ADAMTSL1: variants seen among roughly 807,000 people sequenced by gnomAD.
ADAMTSL1 encodes ADAMTS like 1, also known as ADAMTS-like protein 1.
ADAMTSL1 carries 126 observed loss-of-function variants against 201.8 expected under a neutral mutation model. The observed-to-expected ratio is 0.62, with a 90% CI of 0.54 to 0.72. The LOEUF is 0.72. Among genes scored for constraint, ADAMTSL1 ranks in the 30% least tolerant of loss-of-function variants. ADAMTSL1 has a pLI of 0.00. For synonymous variants in ADAMTSL1, 1,121 were observed against 903.4 expected, an observed-to-expected ratio of 1.24 and a Z score of -4.32; for missense variants, 2,679 against 2,277.8, an observed-to-expected ratio of 1.18 and a Z score of -3.59.
intron 3 of ADAMTSL1, among the ~76,000 whole-genome samples, chr9:18,552,915 T>A (rs1042144450): frequency 4.6e-5 from 7 of 151,626 alleles, no homozygotes; most frequent in African/African-American, 1.7e-4. Context: ...TTATGGATAT[T>A]TAATGTAAAT....
chr9:18,892,655 C>T (rs1202281730), intron 26 of ADAMTSL1, 59 bp downstream of exon 26: 1 of 1,514,778 alleles, frequency 6.6e-7, no homozygotes, highest in South Asian at 1.2e-5. Context: ...GACCCTGCCA[C>T]AGTAGGAAGT....
At chr9:18,723,140 T>C (rs996470513) in intron 15 of ADAMTSL1, 8 of 738,636 alleles carry the variant, frequency 1.1e-5, no homozygotes, top group African/African-American at 8.6e-5. Flanking sequence ...CTGCCCTTTA[T>C]GTTTCCACAT....
At position 18,706,867 on chromosome 9, in the gene ADAMTSL1, C is replaced by T. The variant is rs149134212; in HGVS notation, c.1695C>T (p.Asp565=). Residue 565 remains aspartate, a synonymous_variant, in exon 14 of 29, where the codon GAC becomes GAT. Transcript: ENST00000380548. ...FSQSVADLPI[D]ECEGPKPASQ... is the part of the protein sequence containing the mutation. ...AGTCCGTGGCTGACCTGCCTATTGA[C>T]GAGTGTGAAGGGCCCAAGCCAGCAT... The T allele has an allele frequency of 1.7e-3, 2,738 of 1,613,624 alleles. 3 individuals carry two copies. Among genetic ancestry groups the T allele is most frequent in the Admixed American group, 2.1e-3 (128 of 59,984 alleles).
At chr9:18,588,898 TATATAC>T (rs148896424) in intron 4 of ADAMTSL1, among the ~76,000 whole-genome samples, 2 of 136,274 alleles carry the variant, frequency 1.5e-5, no homozygotes, top group Admixed American at 1.5e-4. Context: ...TATATATATA[TATATAC>T]ATATATATAC....
chr9:18,144,555 G>C (rs923881828), intron 1 of ADAMTSL1, among the ~76,000 whole-genome samples: 80 of 152,040 alleles, frequency 5.3e-4, no homozygotes, highest in African/African-American at 1.9e-3. Context: ...TGTAAAATTG[G>C]CTATTTAAAT....
intron 7 of ADAMTSL1, 31 bp from the exon 8 acceptor site, chr9:18,657,608 A>G: frequency 6.4e-7 from 1 of 1,552,016 alleles, no homozygotes. Context: ...GCACTGTCAC[A>G]TTACTTCTAC....
At chr9:18,693,990 G>T (rs372035583) in intron 13 of ADAMTSL1, among the ~76,000 whole-genome samples, 2 of 152,160 alleles carry the variant, frequency 1.3e-5, no homozygotes, top group Non-Finnish European at 2.9e-5. Flanking sequence ...AAGCAGAGCT[G>T]GGGAGGTCTC....
intron 3 of ADAMTSL1, among the ~76,000 whole-genome samples, chr9:18,554,495 C>A (rs570960891): frequency 2.0e-5 from 3 of 151,700 alleles, no homozygotes; most frequent in Non-Finnish European, 4.4e-5. Flanking sequence ...TGACCCAATG[C>A]GAATCCAAGA....
intron 2 of ADAMTSL1, among the ~76,000 whole-genome samples, chr9:18,369,338 G>A (rs1415385834): frequency 6.6e-6 from 1 of 152,118 alleles, no homozygotes; most frequent in Non-Finnish European, 1.5e-5. Flanking sequence ...TATATCATAT[G>A]ATTGTTGTTA....
At chr9:18,144,061 A>G (rs774839876) in intron 1 of ADAMTSL1, among the ~76,000 whole-genome samples, 1 of 152,188 alleles carries the variant, frequency 6.6e-6, no homozygotes, top group Non-Finnish European at 1.5e-5. Flanking sequence ...TATCTTCAGA[A>G]CACATGAAGA....
At chr9:18,297,257 G>A (rs983459848) in intron 2 of ADAMTSL1, among the ~76,000 whole-genome samples, 6 of 152,148 alleles carry the variant, frequency 3.9e-5, no homozygotes, top group Non-Finnish European at 8.8e-5. Flanking sequence ...TATAGATAGT[G>A]ACTTTTGGCG....
Position 18,524,148 on chromosome 9 carries a change from GGTCCTTCACATCCCTT to G in ADAMTSL1, c.192-9096_192-9081del, listed in dbSNP as rs1357070559. Among the ~76,000 whole-genome samples, 6 of 152,078 alleles carry G rather than the reference GGTCCTTCACATCCCTT, an allele frequency of 3.9e-5. No homozygotes were observed. In the East Asian group the frequency reaches 1.2e-3, roughly 29 times the overall value. Reference sequence around the variant, plus strand: ...AGTGGTTTATAGTTCTCCTTGAAGAGGTCCTTCACATCCCTTGTAAGTTGGATTCCTAGGTATTATT... The same window carrying G: ...AGTGGTTTATAGTTCTCCTTGAAGAGGTAAGTTGGATTCCTAGGTATTATT... On this transcript the variant is annotated intron_variant, in intron 2 of 28. Transcript: ENST00000380548.
intron 26 of ADAMTSL1, among the ~76,000 whole-genome samples, chr9:18,894,825 G>C (rs984402240): frequency 6.6e-6 from 1 of 151,932 alleles, no homozygotes; most frequent in Non-Finnish European, 1.5e-5. Context: ...GAGAGGGAAA[G>C]GATCAGATTA....
intron 20 of ADAMTSL1, among the ~76,000 whole-genome samples, chr9:18,802,306 C>T (rs917029427): frequency 2.6e-5 from 4 of 152,016 alleles, no homozygotes; most frequent in Admixed American, 6.6e-5. Context: ...GCATCCATCA[C>T]CACACTCAAT....
chr9:17,951,822 T>C (rs1358622839), intron 1 of ADAMTSL1, among the ~76,000 whole-genome samples: 2 of 152,102 alleles, frequency 1.3e-5, no homozygotes, highest in African/African-American at 4.8e-5. Flanking sequence ...GTTTTTTTCT[T>C]TTTTCTGTTT....
Position 17,951,007 on chromosome 9 carries a change from G to C in ADAMTSL1, c.87+44085G>C, listed in dbSNP as rs115096933. 6.4e-3 allele frequency among the ~76,000 whole-genome samples: 978 copies of C among 152,192 alleles called. 11 individuals are homozygous for C. The highest frequency in any genetic ancestry group is 0.022 in the African/African-American group (927 of 41,548). On this transcript the variant is annotated intron_variant, in intron 1 of 29. Transcript: ENST00000680146. ...CTAGAGAGGCCTCATACAAGCCATG[G>C]TCTTCATAAAGTTGCAGCCCCCTCC...
At chr9:18,080,419 A>G (rs1441774401) in intron 1 of ADAMTSL1, among the ~76,000 whole-genome samples, 6 of 152,216 alleles carry the variant, frequency 3.9e-5, no homozygotes, top group African/African-American at 1.4e-4. Context: ...AGCATTGTGC[A>G]TTAGGAGTTG....
rs1327413939 is a variant in ADAMTSL1, at chr9:18,678,143, A to C, written c.1137-2169A>C. 3.3e-5 allele frequency among the ~76,000 whole-genome samples: 5 copies of C among 152,206 alleles called. No individual in the cohort carries two copies. In the East Asian group the frequency reaches 9.6e-4, roughly 29 times the overall value. ...GAATAATTGTCTTGATTTATAATTA[A>C]TCTATGCCACTCTTGTGCATCCTGC... is the stretch of plus-strand genomic sequence containing the variant. On this transcript the variant is annotated intron_variant, in intron 10 of 28. Coordinates refer to ENST00000380548, the MANE Select transcript of ADAMTSL1 (RefSeq NM_001040272.6).
intron 2 of ADAMTSL1, among the ~76,000 whole-genome samples, chr9:18,358,816 T>C (rs564862682): frequency 3.3e-5 from 5 of 152,350 alleles, no homozygotes; most frequent in African/African-American, 9.6e-5. Flanking sequence ...TGGCTCTTAT[T>C]AATAATGCTG....
Sources: allele counts gnomAD v4.1 joint callset (sites outside exome capture counted in the v4.1 genomes callset), GRCh38; gene constraint gnomAD v4.1.1; transcripts MANE v1.5; gene names NCBI Gene and HGNC (gene_info 2026-07-23, HGNC 2026-07-21).